The following RNF40 variants were observed in gnomAD, a reference collection of about 807,000 sequenced individuals.
RNF40 encodes the protein ring finger protein 40.
A neutral mutation model predicts 123.3 loss-of-function variants in RNF40; 39 were observed. That is an observed-to-expected ratio of 0.32 (90% CI 0.24 to 0.41). The LOEUF is 0.41. RNF40 is among the 10% of genes least tolerant of loss of function. The probability of loss-of-function intolerance (pLI) is 1.00; values close to 1 mark genes in which losing one functional copy is unlikely to be tolerated. For missense variants in RNF40, 1,003 were observed against 1,319.9 expected (o/e 0.76, Z 3.72); for synonymous variants, 538 against 526.0 (o/e 1.02, Z -0.31).
At chr16:30,769,977 T>C (rs1175849236) in intron 17 of RNF40, among the ~76,000 whole-genome samples, 3 of 151,988 alleles carry the variant, frequency 2.0e-5, no homozygotes, top group African/African-American at 7.2e-5. Context: ...TGCACGCCTG[T>C]AGTCCCAGCT....
Position 30,773,930 on chromosome 16 carries a change from T to G in RNF40, c.2830-8T>G. On this transcript the variant is annotated splice_region_variant and splice_polypyrimidine_tract_variant and intron_variant, in intron 19 of 19. Coordinates refer to ENST00000324685, the MANE Select transcript of RNF40 (RefSeq NM_014771.4). ...TTGTTCCCAAGCTGATGCCTTTGCCTGGCCCAGGCGCGGTTGACCTGCCCC... is the reference window on the plus strand; with the variant it reads ...TTGTTCCCAAGCTGATGCCTTTGCCGGGCCCAGGCGCGGTTGACCTGCCCC... 1 of 1,607,716 alleles carries G rather than the reference T, an allele frequency of 6.2e-7. No homozygotes were observed. The highest frequency in any genetic ancestry group is 8.5e-7 in the Non-Finnish European group (1 of 1,175,406).
chr16:30,765,083 G>T (rs781093610), intron 6 of RNF40, 24 bp downstream of exon 6: 12 of 1,613,030 alleles, frequency 7.4e-6, no homozygotes, highest in Non-Finnish European at 8.5e-6. Context: ...GGCTTTGGGG[G>T]TGTGATTAGA....
intron 17 of RNF40, among the ~76,000 whole-genome samples, chr16:30,770,774 C>A (rs549867909): frequency 6.6e-6 from 1 of 152,150 alleles, no homozygotes; most frequent in African/African-American, 2.4e-5. Flanking sequence ...TACAGTGGCT[C>A]GGTCTCAGTT....
chr16:30,771,873 A>G lies in RNF40; in HGVS notation c.2627A>G (p.Gln876Arg), dbSNP rs2054154024. The G allele has an allele frequency of 1.1e-5, 18 of 1,607,560 alleles. No individual in the cohort carries two copies. Among genetic ancestry groups the G allele is most frequent in the Non-Finnish European group, 1.4e-5 (16 of 1,176,028 alleles). Reference protein sequence around the residue: ...AAQLAEDLKVQLEHVQTRLRE... With the variant: ...AAQLAEDLKVRLEHVQTRLRE... ...CAGCTGGCCGAGGACCTGAAGGTGC[A>G]GCTGGAGCACGTGCAGACTCGGCTG... is the stretch of plus-strand genomic sequence containing the variant. Residue 876 changes from glutamine to arginine, a missense_variant, in exon 18 of 20, where the codon CAG becomes CGG. Transcript: ENST00000324685.
Position 30,774,212 on chromosome 16 carries a change from G to A in RNF40, c.*98G>A. The A allele has an allele frequency of 7.7e-7, 1 of 1,301,552 alleles. No individual in the cohort carries two copies. The highest frequency in any genetic ancestry group is 2.4e-5 in the East Asian group (1 of 41,432). 80.6% of individuals were successfully genotyped at this position (1,301,552 alleles called of 1,614,324 possible). A position where few individuals can be genotyped will look rare whatever the true frequency, so the allele number is the denominator to read the frequency against. On this transcript the variant is annotated 3_prime_UTR_variant, in exon 20 of 20. Coordinates refer to ENST00000324685, the MANE Select transcript of RNF40 (RefSeq NM_014771.4). The stretch of plus-strand genomic sequence containing the variant: ...TCTAGTGGCCCCACCCTCCATTCCG[G>A]ACCCCATGGGCCCAGCCCCTGCCCA...
At chr16:30,769,420 A>G (rs750521896) in intron 16 of RNF40, 22 bp downstream of exon 16, 27 of 1,614,106 alleles carry the variant, frequency 1.7e-5, no homozygotes, top group Non-Finnish European at 2.2e-5. Flanking sequence ...GCCAGCTTGC[A>G]GACTGGAGCT....
rs1476067552 is a variant in RNF40 at position 30,776,209 on chromosome 16, C to T, written c.*2095C>T. 6.6e-6 allele frequency: 1 copy of T among 152,086 alleles called. No individual in the cohort carries two copies. Among genetic ancestry groups the T allele is most frequent in the African/African-American group, 2.4e-5 (1 of 41,414 alleles). The allele number at this position is 152,086 out of a possible 1,614,324, so 9.4% of individuals were successfully genotyped here. Reference sequence around the variant, plus strand: ...GATGCCAAGTAATTCCGCATCGTCTCTCTAGATATCTGCGCTAAAGGCCAC... The same window carrying T: ...GATGCCAAGTAATTCCGCATCGTCTTTCTAGATATCTGCGCTAAAGGCCAC... On this transcript the variant is annotated 3_prime_UTR_variant, in exon 20 of 20. Transcript: ENST00000324685.
At position 30,764,252 on chromosome 16, in the gene RNF40, C is replaced by T. The variant is rs1245534814; in HGVS notation, c.516C>T (p.Ser172=). The change falls in exon 5 of 20, where the codon AGC becomes AGT. Residue 172 remains serine, a synonymous_variant. Coordinates refer to ENST00000324685, the MANE Select transcript of RNF40 (RefSeq NM_014771.4). ...CTTTTGTGGTGGCACTGGGTGCCAG[C>T]AGCAGTGAGGAGGTGGAGCTGGAGC... The part of the protein sequence containing the change: ...ALAFVVALGA[S]SSEEVELELQ... 5 of 1,612,628 alleles carry T rather than the reference C, an allele frequency of 3.1e-6. No individual in the cohort carries two copies. In the African/African-American group the frequency reaches 5.3e-5, roughly 17 times the overall value.
At position 30,775,845 on chromosome 16, in the gene RNF40, A is replaced by G. The variant is rs930304706; in HGVS notation, c.*1731A>G. ...CCTTCGGACCCTATTGGCGCCCGGGACTTAAGCGGGGCCGCCGCTGCTGGA... is the reference window on the plus strand; with the variant it reads ...CCTTCGGACCCTATTGGCGCCCGGGGCTTAAGCGGGGCCGCCGCTGCTGGA... On this transcript the variant is annotated 3_prime_UTR_variant, in exon 20 of 20. Transcript: ENST00000324685. The G allele has an allele frequency of 3.3e-5, 5 of 152,176 alleles. No homozygotes were observed. Among genetic ancestry groups the G allele is most frequent in the Admixed American group, 3.3e-4 (5 of 15,280 alleles). The allele number at this position is 152,176 out of a possible 1,614,324, so 9.4% of individuals were successfully genotyped here. A position where few individuals can be genotyped will look rare whatever the true frequency, so the allele number is the denominator to read the frequency against.
intron 2 of RNF40, 38 bp from the exon 3 acceptor site, chr16:30,763,080 C>G: frequency 6.2e-7 from 1 of 1,610,874 alleles, no homozygotes; most frequent in East Asian, 2.2e-5. Context: ...GTGGGCCCTG[C>G]TTGACGCTCT....
chr16:30,761,670 C>T (rs1411024462), upstream of RNF40: 4 of 1,535,894 alleles, frequency 2.6e-6, no homozygotes, highest in Non-Finnish European at 3.5e-6. Flanking sequence ...TTCCCCGCTT[C>T]CCGCCGCAGC....
At chr16:30,767,501 A>T (rs917332002) in intron 11 of RNF40, among the ~76,000 whole-genome samples, 2 of 147,326 alleles carry the variant, frequency 1.4e-5, no homozygotes, top group Admixed American at 6.8e-5. Flanking sequence ...TGGATGTATA[A>T]AAAAAAAAAA....
Position 30,766,457 on chromosome 16 carries a change from C to T in RNF40, c.1192C>T (p.Leu398Phe). 1 of 1,613,986 alleles carries T rather than the reference C, an allele frequency of 6.2e-7. No homozygotes were observed. The highest frequency in any genetic ancestry group is 8.5e-7 in the Non-Finnish European group (1 of 1,180,020). Residue 398 changes from leucine (L) to phenylalanine (F), a missense_variant, in exon 10 of 20, where the codon CTC becomes TTC. This residue lies in a region of RNF40 where 274 missense variants were observed against 356.9 expected (regional missense o/e 0.77). Transcript: ENST00000324685. The surrounding 1 kb of genome is among the most constrained non-coding windows in gnomAD (Gnocchi z 5.4). ...CATGCTGCAGGCCCAATTCTCACTGCTCTACAACGAGTCTCTGCAAGTGAA... is the reference window on the plus strand; with the variant it reads ...CATGCTGCAGGCCCAATTCTCACTGTTCTACAACGAGTCTCTGCAAGTGAA... The part of the protein sequence containing the change: ...YRMLQAQFSL[L>F]YNESLQVKTQ...
At position 30,762,523 on chromosome 16, in the gene RNF40, G is replaced by C; in HGVS notation, c.-23G>C. Reference sequence around the variant, plus strand: ...CGTTTGACGCCCCTCAGGGGACCCTGCATCGCTCCAGCCGCCGCGGCCATG... The same window carrying C: ...CGTTTGACGCCCCTCAGGGGACCCTCCATCGCTCCAGCCGCCGCGGCCATG... On this transcript the variant is annotated 5_prime_UTR_variant, in exon 2 of 20. Transcript: ENST00000324685. 1 of 1,576,040 alleles carries C rather than the reference G, an allele frequency of 6.3e-7. No individual in the cohort carries two copies.
upstream of RNF40, chr16:30,761,857 C>T: frequency 9.2e-7 from 1 of 1,092,854 alleles, no homozygotes; most frequent in Non-Finnish European, 1.3e-6. Context: ...CGCCTCGCTC[C>T]GGCCAATCTA....
chr16:30,767,534 G>A (rs1201115242), intron 11 of RNF40: 2 of 191,606 alleles, frequency 1.0e-5, no homozygotes, highest in Non-Finnish European at 2.2e-5. Context: ...GCCAGGTGTG[G>A]TGATTCATGT....
chr16:30,771,908 C>T lies in RNF40; in HGVS notation c.2662C>T (p.Gln888Ter). The T allele has an allele frequency of 6.2e-7, 1 of 1,609,738 alleles. No homozygotes were observed. The highest frequency in any genetic ancestry group is 8.5e-7 in the Non-Finnish European group (1 of 1,177,384). The change falls in exon 18 of 20, where the codon CAG becomes TAG. Residue 888 changes from glutamine (Q) to a stop codon, truncating the protein, a stop_gained. Coordinates refer to ENST00000324685, the MANE Select transcript of RNF40 (RefSeq NM_014771.4). LOFTEE classifies it high-confidence loss of function. ...EHVQTRLREI[Q>*]PCLAESRAAR... ...CGTGCAGACTCGGCTGCGGGAGATC[C>T]AGCCCTGCCTGGCAGAGAGCCGGGC...
rs1023335362 is a variant in RNF40 at position 30,774,414 on chromosome 16, T to G, written c.*300T>G. 6 of 354,406 alleles carry G rather than the reference T, an allele frequency of 1.7e-5. No individual in the cohort carries two copies. The Admixed American group carries it at 2.6e-4, about 15-fold the overall frequency. 22.0% of individuals were successfully genotyped at this position (354,406 alleles called of 1,614,324 possible). A position where few individuals can be genotyped will look rare whatever the true frequency, so the allele number is the denominator to read the frequency against. ...GACTGAGCTTCCCGGAAACTGGCCC[T>G]AACCTGTCTGTCTCCGTGGATGCAT... On this transcript the variant is annotated 3_prime_UTR_variant, in exon 20 of 20. Coordinates refer to ENST00000324685, the MANE Select transcript of RNF40 (RefSeq NM_014771.4).
At position 30,766,582 on chromosome 16, in the gene RNF40, G is replaced by C; in HGVS notation, c.1293+24G>C. 1 of 1,595,254 alleles carries C rather than the reference G, an allele frequency of 6.3e-7. No individual in the cohort carries two copies. Among genetic ancestry groups the C allele is most frequent in the Non-Finnish European group, 8.6e-7 (1 of 1,168,838 alleles). On this transcript the variant is annotated intron_variant, in intron 10 of 19. Transcript: ENST00000324685. This position sits in a 1 kb window ranked among gnomAD's most constrained non-coding sequence, Gnocchi z 5.4. ...AGGTATGGCCCTGGAACAGGCGTTA[G>C]GGCTGGGCTAAGGGCCAAACCGTTA...
Sources: gnomAD v4.1 joint callset for allele counts (sites outside exome capture counted in the v4.1 genomes callset) on GRCh38, gnomAD v4.1.1 for gene constraint, gnomAD v4.1.1 regional missense constraint, Gnocchi (gnomAD v3.1) non-coding constraint, MANE v1.5 for transcripts, NCBI Gene and HGNC (gene_info 2026-07-23, HGNC 2026-07-21) for gene names.